The following CDC42BPB variants were observed in gnomAD, a reference collection of about 807,000 sequenced individuals.
CDC42BPB encodes serine/threonine-protein kinase MRCK beta.
Under a neutral mutation model 214.9 loss-of-function variants are expected in CDC42BPB, and 37 were observed. The ratio of observed to expected loss-of-function variants is 0.17; its 90% CI spans 0.13 to 0.23. CDC42BPB has a LOEUF of 0.23. Ranked by LOEUF, CDC42BPB falls within the 10% of genes least tolerant of loss-of-function variation. The pLI is 1.00. For missense variants in CDC42BPB, 1,694 were observed against 2,227.0 expected (o/e 0.76, Z 4.82); for synonymous variants, 931 against 884.0 (o/e 1.05, Z -0.94).
At chr14:102,961,666 C>T (rs1214722358) in intron 20 of CDC42BPB, among the ~76,000 whole-genome samples, 1 of 152,126 alleles carries the variant, frequency 6.6e-6, no homozygotes, top group Non-Finnish European at 1.5e-5. Context: ...GCCTCAGCCT[C>T]CTGAGTAGCT....
chr14:102,950,850 C>T (rs948160909), intron 24 of CDC42BPB: 7 of 197,554 alleles, frequency 3.5e-5, no homozygotes, highest in African/African-American at 9.5e-5. Flanking sequence ...CCTGTAATCC[C>T]AGCTACTCGG....
intron 2 of CDC42BPB, among the ~76,000 whole-genome samples, chr14:103,009,668 C>T (rs1886041903): frequency 6.6e-6 from 1 of 152,244 alleles, no homozygotes; most frequent in Non-Finnish European, 1.5e-5. Context: ...CCTTGGTCGT[C>T]TCTCTGCCCT....
chr14:102,956,239 C>T lies in CDC42BPB; in HGVS notation c.2902-1551G>A, dbSNP rs569152346. On this transcript the variant is annotated intron_variant, in intron 21 of 36. Transcript: ENST00000361246. ...GGAAGCCAGCGCTGGCAGCCACTTA[C>T]TTCTTCCCAAAAGGCTAGCAGGGAA... 4.5e-5 allele frequency: 7 copies of T among 156,858 alleles called. No homozygotes were observed. The South Asian group carries it at 1.4e-3, about 32-fold the overall frequency. The allele number at this position is 156,858 out of a possible 1,614,324, so 9.7% of individuals were successfully genotyped here.
At chr14:102,961,159 C>G (rs1277128343) in intron 20 of CDC42BPB, among the ~76,000 whole-genome samples, 1 of 140,260 alleles carries the variant, frequency 7.1e-6, no homozygotes, top group African/African-American at 2.7e-5. Context: ...AGAGCAAGAC[C>G]CTGAATCAAT....
chr14:102,958,888 G>A (rs34945012), intron 21 of CDC42BPB, among the ~76,000 whole-genome samples: 2,469 of 151,698 alleles, frequency 0.016, 65 homozygotes, highest in African/African-American at 0.057. Context: ...GCCCAGGCTC[G>A]TCTTGAACTC....
At chr14:102,989,760 G>A (rs1309579125) in intron 5 of CDC42BPB, among the ~76,000 whole-genome samples, 6 of 151,916 alleles carry the variant, frequency 3.9e-5, no homozygotes, top group African/African-American at 1.5e-4. Context: ...TCAGGAGGCT[G>A]AGGCAGGAGA....
Position 103,004,227 on chromosome 14 carries a change from G to A in CDC42BPB, c.352-204C>T. ...CTCCCAAGCCCCGTGCAAGTGCCAA[G>A]GGCTGCTGAGGAGGCACTTGCACCC... On this transcript the variant is annotated intron_variant, in intron 3 of 36. Coordinates refer to ENST00000361246, the MANE Select transcript of CDC42BPB (RefSeq NM_006035.4). The surrounding 1 kb of genome is among the most constrained non-coding windows in gnomAD (Gnocchi z 5.3). The A allele has an allele frequency of 2.3e-6, 3 of 1,290,578 alleles. No individual in the cohort carries two copies. The East Asian group carries it at 9.5e-5, about 41-fold the overall frequency. The allele number at this position is 1,290,578 out of a possible 1,614,324, so 79.9% of individuals were successfully genotyped here.
At chr14:103,051,671 A>G (rs1009353311) in intron 1 of CDC42BPB, among the ~76,000 whole-genome samples, 1 of 152,218 alleles carries the variant, frequency 6.6e-6, no homozygotes, top group African/African-American at 2.4e-5. Flanking sequence ...CATGCATTTG[A>G]GTATTTTGCC....
In CDC42BPB at chr14:102,944,453, G is replaced by T. The variant is rs779790085; in HGVS notation, c.3846C>A (p.His1282Gln). ...IVRAADCKKVHQIELAPREKI... is the reference protein window; with the variant it reads ...IVRAADCKKVQQIELAPREKI... ...TCTCCCTGGGAGCAAGCTCGATCTG[G>T]TGTACCTTCTTACAGTCAGCGGCAC... Residue 1282 changes from histidine (H) to glutamine (Q), a missense_variant, in exon 30 of 37, where the codon CAC becomes CAA. Around this residue, in one of 7 missense-constraint regions of CDC42BPB, gnomAD observed 567 missense variants for 790.3 expected, o/e 0.72. Coordinates refer to ENST00000361246, the MANE Select transcript of CDC42BPB (RefSeq NM_006035.4). The surrounding 1 kb of genome is among the most constrained non-coding windows in gnomAD (Gnocchi z 6.6). 1.2e-6 allele frequency: 2 copies of T among 1,612,874 alleles called. No homozygotes were observed. The highest frequency in any genetic ancestry group is 1.7e-6 in the Non-Finnish European group (2 of 1,179,950).
chr14:102,944,549 C>T lies in CDC42BPB; in HGVS notation c.3812-62G>A, dbSNP rs976750265. The T allele has an allele frequency of 3.2e-5, 50 of 1,557,788 alleles. No homozygotes were observed. In the East Asian group the frequency reaches 4.1e-4, roughly 13 times the overall value. ...ACAGCCAGCAGCTCCCAGGGGCTGA[C>T]GGCCTTGGCTAAAGACTTGCCTGGA... is the stretch of plus-strand genomic sequence containing the variant. On this transcript the variant is annotated intron_variant, in intron 29 of 36. Transcript: ENST00000361246. This position sits in a 1 kb window ranked among gnomAD's most constrained non-coding sequence, Gnocchi z 6.6.
At chr14:102,986,750 C>T in intron 5 of CDC42BPB, 170 bp from the exon 6 acceptor site, 6 of 985,128 alleles carry the variant, frequency 6.1e-6, no homozygotes, top group Non-Finnish European at 7.2e-6. Flanking sequence ...ATGGTGGCAG[C>T]CGAAGTCGTA....
Position 102,972,155 on chromosome 14 carries a change from C to T in CDC42BPB, c.1648G>A (p.Val550Ile), listed in dbSNP as rs1255101835. ...GATTTCAACCGCTCTGAGGCTTCAA[C>T]CAGTTGCTGAACAAAAACAATTATA... ...QEKEELHKQLVEASERLKSQA... is the reference protein window; with the variant it reads ...QEKEELHKQLIEASERLKSQA... Residue 550 changes from valine (V) to isoleucine (I), a missense_variant, in exon 13 of 37, where the codon GTT becomes ATT. Physicochemically the swap from Val to Ile is conservative, Grantham distance 29. Coordinates refer to ENST00000361246, the MANE Select transcript of CDC42BPB (RefSeq NM_006035.4). 6.2e-7 allele frequency: 1 copy of T among 1,613,720 alleles called. No homozygotes were observed. The highest frequency in any genetic ancestry group is 8.5e-7 in the Non-Finnish European group (1 of 1,179,696).
chr14:102,954,706 GAA>G lies in CDC42BPB; in HGVS notation c.2902-20_2902-19del. On this transcript the variant is annotated intron_variant, in intron 21 of 36. Transcript: ENST00000361246. ...GAGCTGGTCTGTGAGAACCAAGAAA[GAA>G]AGAGTGGGGTGAAAGGACATATTCT... The G allele has an allele frequency of 1.2e-6, 2 of 1,609,044 alleles. No individual in the cohort carries two copies. The highest frequency in any genetic ancestry group is 1.7e-6 in the Non-Finnish European group (2 of 1,176,366).
In CDC42BPB at chr14:102,933,526, G is replaced by C. The variant is rs1027061201; in HGVS notation, c.*186C>G. The C allele has an allele frequency of 2.0e-6, 1 of 500,540 alleles. No individual in the cohort carries two copies. The highest frequency in any genetic ancestry group is 3.3e-6 in the Non-Finnish European group (1 of 298,688). The allele number at this position is 500,540 out of a possible 1,614,324, so 31.0% of individuals were successfully genotyped here. On this transcript the variant is annotated 3_prime_UTR_variant, in exon 37 of 37. Transcript: ENST00000361246. ...CACAGCTGTGCAGACGAACAGATGT[G>C]GTCTACTGCCACGAACAATGCGGCA...
chr14:103,030,166 C>T (rs1005625507), intron 1 of CDC42BPB, among the ~76,000 whole-genome samples: 7 of 152,242 alleles, frequency 4.6e-5, no homozygotes, highest in Admixed American at 2.0e-4. Context: ...TCACCTTGCC[C>T]GACAGGAGTG....
intron 24 of CDC42BPB, among the ~76,000 whole-genome samples, chr14:102,951,973 C>A (rs144775306): frequency 1.2e-4 from 18 of 152,186 alleles, no homozygotes; most frequent in African/African-American, 4.1e-4. Flanking sequence ...GTTGAGTCAC[C>A]ACAGAGGCGC....
At position 102,944,544 on chromosome 14, in the gene CDC42BPB, G is replaced by T. The variant is rs1462302051; in HGVS notation, c.3812-57C>A. The T allele has an allele frequency of 6.4e-7, 1 of 1,563,262 alleles. No homozygotes were observed. Among genetic ancestry groups the T allele is most frequent in the South Asian group, 1.2e-5 (1 of 82,184 alleles). ...ACGGGACAGCCAGCAGCTCCCAGGG[G>T]CTGACGGCCTTGGCTAAAGACTTGC... On this transcript the variant is annotated intron_variant, in intron 29 of 36. Transcript: ENST00000361246. This position sits in a 1 kb window ranked among gnomAD's most constrained non-coding sequence, Gnocchi z 6.6.
At position 103,001,858 on chromosome 14, in the gene CDC42BPB, TC is replaced by T. The variant is rs1332394023; in HGVS notation, c.447+2069del. Among the ~76,000 whole-genome samples, 1 of 152,088 alleles carries T rather than the reference TC, an allele frequency of 6.6e-6. No individual in the cohort carries two copies. Among genetic ancestry groups the T allele is most frequent in the Non-Finnish European group, 1.5e-5 (1 of 67,988 alleles). On this transcript the variant is annotated intron_variant, in intron 4 of 36. Transcript: ENST00000361246. The surrounding 1 kb of genome is among the most constrained non-coding windows in gnomAD (Gnocchi z 5.8). ...GCCGAGAACTCTAAGAGGAGGAGCT[TC>T]CTACAGCAGCACTGGGTCTGATCAA...
chr14:103,016,680 A>C (rs908001103), intron 1 of CDC42BPB, among the ~76,000 whole-genome samples: 3 of 152,164 alleles, frequency 2.0e-5, no homozygotes, highest in Non-Finnish European at 4.4e-5. Context: ...GATAAGGAAG[A>C]AAACGAGAAT....
Sources: allele counts gnomAD v4.1 joint callset (sites outside exome capture counted in the v4.1 genomes callset), GRCh38; gene constraint gnomAD v4.1.1; regional missense constraint gnomAD v4.1.1; non-coding constraint Gnocchi (gnomAD v3.1); transcripts MANE v1.5; gene names NCBI Gene and HGNC (gene_info 2026-07-23, HGNC 2026-07-21).